The following MZT1 variants were observed in gnomAD, a reference collection of about 807,000 sequenced individuals.
MZT1 encodes mitotic spindle organizing protein 1, also known as mitotic-spindle organizing protein 1.
In MZT1, 8 loss-of-function variants were observed where a neutral mutation model predicts 8.5. The observed-to-expected ratio is 0.94, with a 90% CI of 0.55 to 1.70. The LOEUF (loss-of-function observed/expected upper bound fraction) is 1.70. Among genes scored for constraint, MZT1 ranks in the 40% most tolerant of loss-of-function variants. The pLI, the probability that MZT1 is intolerant of heterozygous loss-of-function variation, is 0.00. For missense variants in MZT1, 93 were observed against 108.6 expected (o/e 0.86, Z 0.64); for synonymous variants, 38 against 42.0 (o/e 0.90, Z 0.37).
intron 2 of MZT1, among the ~76,000 whole-genome samples, chr13:72,717,365 G>A (rs1177654528): frequency 2.1e-4 from 30 of 143,352 alleles, no homozygotes; most frequent in African/African-American, 7.6e-4. Flanking sequence ...TTTAGATGGA[G>A]TTTCGCTCCT....
chr13:72,719,117 A>G lies in MZT1; in HGVS notation c.80-20T>C. 6.6e-7 allele frequency: 1 copy of G among 1,524,604 alleles called. No homozygotes were observed. The highest frequency in any genetic ancestry group is 8.7e-7 in the Non-Finnish European group (1 of 1,150,108). 94.4% of individuals were successfully genotyped at this position (1,524,604 alleles called of 1,614,324 possible). On this transcript the variant is annotated intron_variant, in intron 1 of 2. Transcript: ENST00000377818. ...GCAGAACTGAAAAAAGATACAAAAAAAAAAAAAACTTAAGGCTTACAGCAT... is the reference window on the plus strand; with the variant it reads ...GCAGAACTGAAAAAAGATACAAAAAGAAAAAAAACTTAAGGCTTACAGCAT...
At position 72,726,237 on chromosome 13, in the gene MZT1, C is replaced by A. The variant is rs553463276; in HGVS notation, c.79+1287G>T. Among the ~76,000 whole-genome samples the A allele has an allele frequency of 3.6e-3, 551 of 152,270 alleles. 3 individuals are homozygous for A. The highest frequency in any genetic ancestry group is 0.013 in the African/African-American group (524 of 41,544). On this transcript the variant is annotated intron_variant, in intron 1 of 2. Transcript: ENST00000377818. ...CTGAAGTCAGGAGTTCGAGACCAAC[C>A]TGGCCAACATGGGGAAACTCCGTCT... is the stretch of plus-strand genomic sequence containing the variant.
At chr13:72,725,877 G>A (rs1183728038) in intron 1 of MZT1, among the ~76,000 whole-genome samples, 1 of 151,982 alleles carries the variant, frequency 6.6e-6, no homozygotes, top group Non-Finnish European at 1.5e-5. Flanking sequence ...AAATATACAA[G>A]ACAGTAAATT....
chr13:72,726,305 C>T (rs1256624939), intron 1 of MZT1, among the ~76,000 whole-genome samples: 3 of 152,112 alleles, frequency 2.0e-5, no homozygotes, highest in Non-Finnish European at 4.4e-5. Context: ...CTGGCGGGCA[C>T]CTGTAATCCC....
chr13:72,723,680 A>G (rs963119682), intron 1 of MZT1, among the ~76,000 whole-genome samples: 3 of 152,206 alleles, frequency 2.0e-5, no homozygotes, highest in African/African-American at 7.2e-5. Flanking sequence ...CATGGTCCCA[A>G]GGTTTTTGGA....
At chr13:72,724,465 T>C (rs530360207) in intron 1 of MZT1, among the ~76,000 whole-genome samples, 17 of 151,088 alleles carry the variant, frequency 1.1e-4, no homozygotes, top group Admixed American at 9.9e-4. Context: ...ACTGTTTCGC[T>C]GGTACTGCCT....
intron 1 of MZT1, among the ~76,000 whole-genome samples, chr13:72,724,388 G>A (rs1165945525): frequency 6.6e-6 from 1 of 151,898 alleles, no homozygotes; most frequent in Non-Finnish European, 1.5e-5. Context: ...CAGAGGAGGT[G>A]AGAAAGCAAG....
intron 1 of MZT1, among the ~76,000 whole-genome samples, chr13:72,725,537 T>C (rs1423991885): frequency 6.6e-6 from 1 of 151,206 alleles, no homozygotes; most frequent in African/African-American, 2.4e-5. Context: ...ATTCAAAAAG[T>C]TTTGAAAATT....
intron 2 of MZT1, among the ~76,000 whole-genome samples, chr13:72,712,568 C>A (rs191710242): frequency 6.6e-6 from 1 of 152,230 alleles, no homozygotes; most frequent in Non-Finnish European, 1.5e-5. Context: ...ATAGTCAACA[C>A]TTTCTGATTC....
At chr13:72,720,913 A>C (rs193201946) in intron 1 of MZT1, among the ~76,000 whole-genome samples, 13 of 135,086 alleles carry the variant, frequency 9.6e-5, no homozygotes, top group Admixed American at 9.3e-4. Context: ...ACAAACAAAA[A>C]TAGCAGTTCA....
At chr13:72,711,482 T>C (rs970807018) in intron 2 of MZT1, among the ~76,000 whole-genome samples, 2 of 152,048 alleles carry the variant, frequency 1.3e-5, no homozygotes, top group African/African-American at 2.4e-5. Flanking sequence ...GTTACTGTTT[T>C]CTAAATAGTC....
At chr13:72,717,804 C>A (rs902275147) in intron 2 of MZT1, among the ~76,000 whole-genome samples, 58 of 152,168 alleles carry the variant, frequency 3.8e-4, no homozygotes, top group Non-Finnish European at 7.8e-4. Flanking sequence ...CTCTACAGTT[C>A]TTTTCTCTTC....
chr13:72,711,982 G>T (rs17089692), intron 2 of MZT1, among the ~76,000 whole-genome samples: 2,887 of 152,244 alleles, frequency 0.019, 83 homozygotes, highest in African/African-American at 0.066. Flanking sequence ...TATCTGGAAT[G>T]ATGTTCACCA....
intron 2 of MZT1, among the ~76,000 whole-genome samples, chr13:72,716,028 T>C (rs1188104289): frequency 2.6e-5 from 4 of 152,034 alleles, no homozygotes; most frequent in African/African-American, 7.2e-5. Flanking sequence ...AGTGATTCTC[T>C]TGCCTCAGCC....
At chr13:72,718,841 T>C in intron 2 of MZT1, 111 bp downstream of exon 2, 1 of 1,026,640 alleles carries the variant, frequency 9.7e-7, no homozygotes, top group Admixed American at 2.7e-5. Context: ...CTAGTGGTGT[T>C]GCATGTTAGT....
intron 2 of MZT1, among the ~76,000 whole-genome samples, chr13:72,711,999 A>G (rs2032493180): frequency 6.6e-6 from 1 of 152,218 alleles, no homozygotes; most frequent in Non-Finnish European, 1.5e-5. Flanking sequence ...ACCAAACATT[A>G]TTGCAGGCAA....
At chr13:72,714,551 C>G (rs1168891291) in intron 2 of MZT1, among the ~76,000 whole-genome samples, 1 of 152,340 alleles carries the variant, frequency 6.6e-6, no homozygotes, top group Middle Eastern at 3.4e-3. Context: ...ATCTAAGAGG[C>G]AGCCCTTCCC....
At chr13:72,724,375 A>T (rs984718302) in intron 1 of MZT1, among the ~76,000 whole-genome samples, 34 of 151,954 alleles carry the variant, frequency 2.2e-4, no homozygotes, top group Non-Finnish European at 1.2e-4. Context: ...GAAGAACAGG[A>T]GGCAGAGGAG....
rs1593794708 is a variant in MZT1, at chr13:72,710,226, T to A, written c.*96A>T. On this transcript the variant is annotated 3_prime_UTR_variant, in exon 3 of 3. Transcript: ENST00000377818. Reference sequence around the variant, plus strand: ...AAAAAGTAAAATTTTTCTACACTGCTGCATGCAGTAATTTCATTGTACATT... The same window carrying A: ...AAAAAGTAAAATTTTTCTACACTGCAGCATGCAGTAATTTCATTGTACATT... 3.1e-6 allele frequency: 4 copies of A among 1,280,104 alleles called. No individual in the cohort carries two copies. In the South Asian group the frequency reaches 5.0e-5, roughly 16 times the overall value. 79.3% of individuals were successfully genotyped at this position (1,280,104 alleles called of 1,614,324 possible). A position where few individuals can be genotyped will look rare whatever the true frequency, so the allele number is the denominator to read the frequency against.
Sources: gnomAD v4.1 joint callset for allele counts (sites outside exome capture counted in the v4.1 genomes callset) on GRCh38, gnomAD v4.1.1 for gene constraint, MANE v1.5 for transcripts, NCBI Gene and HGNC (gene_info 2026-07-23, HGNC 2026-07-21) for gene names.